Variants in MAST4 observed in about 807,000 individuals in gnomAD.
MAST4 encodes microtubule-associated serine/threonine-protein kinase 4.
In MAST4, 89 loss-of-function variants were observed where a neutral mutation model predicts 162.7. The ratio of observed to expected loss-of-function variants is 0.55; its 90% CI spans 0.46 to 0.65. MAST4 has a LOEUF of 0.65. Ranked by LOEUF, MAST4 falls within the 30% of genes least tolerant of loss-of-function variation. MAST4 has a pLI of 0.00. For synonymous variants in MAST4, 1,479 were observed against 1,361.1 expected (o/e 1.09, Z -1.91); for missense variants, 3,153 against 3,374.0 (o/e 0.93, Z 1.62).
Position 67,165,290 on chromosome 5 carries a change from G to T in MAST4, c.6111G>T (p.Ala2037=). Residue 2037 remains alanine, a synonymous_variant, in exon 29 of 29, where the codon GCG becomes GCT. Transcript: ENST00000403625. ...TQTQAMEKAW[A]PGGKTNHKDG... ...CCCAGGCCATGGAGAAAGCATGGGC[G>T]CCGGGTGGGAAAACGAACCACAAAG... The T allele has an allele frequency of 6.2e-7, 1 of 1,613,466 alleles. No homozygotes were observed. The highest frequency in any genetic ancestry group is 8.5e-7 in the Non-Finnish European group (1 of 1,179,880).
intron 1 of MAST4, among the ~76,000 whole-genome samples, chr5:66,615,596 T>C (rs1031014710): frequency 2.0e-5 from 3 of 151,982 alleles, no homozygotes; most frequent in African/African-American, 7.2e-5. Flanking sequence ...GGGAGGATCA[T>C]TTGAGGCCAG....
At chr5:66,852,605 G>A (rs953697008) in intron 3 of MAST4, among the ~76,000 whole-genome samples, 1 of 152,184 alleles carries the variant, frequency 6.6e-6, no homozygotes, top group African/African-American at 2.4e-5. Flanking sequence ...ATGATTTTGA[G>A]GGAGAAGTTG....
At chr5:66,963,622 A>T in intron 4 of MAST4, 1 of 758,440 alleles carries the variant, frequency 1.3e-6, no homozygotes, top group South Asian at 1.4e-5. Context: ...TTCTGGCCTA[A>T]AGGGAACACA....
At chr5:66,643,823 TG>T (rs1425555937) in intron 1 of MAST4, among the ~76,000 whole-genome samples, 1 of 151,886 alleles carries the variant, frequency 6.6e-6, no homozygotes, top group Admixed American at 6.6e-5. Context: ...AAATTGTTGC[TG>T]ATGTTTCTGA....
intron 6 of MAST4, among the ~76,000 whole-genome samples, chr5:67,093,044 C>G (rs1380480245): frequency 2.6e-5 from 4 of 152,178 alleles, no homozygotes; most frequent in African/African-American, 9.6e-5. Flanking sequence ...GTAACTATAA[C>G]AATAAATCTA....
intron 4 of MAST4, among the ~76,000 whole-genome samples, chr5:66,922,078 A>G (rs1764576165): frequency 6.6e-6 from 1 of 152,154 alleles, no homozygotes; most frequent in African/African-American, 2.4e-5. Flanking sequence ...TTCAGTTCCT[A>G]TGCGGGACTT....
At chr5:66,602,831 T>C (rs1742643222) in intron 1 of MAST4, among the ~76,000 whole-genome samples, 1 of 152,144 alleles carries the variant, frequency 6.6e-6, no homozygotes, top group Non-Finnish European at 1.5e-5. Context: ...GAGGTCAGAG[T>C]CTGTAGTGAC....
intron 1 of MAST4, among the ~76,000 whole-genome samples, chr5:66,623,714 A>G (rs931915939): frequency 1.3e-5 from 2 of 152,258 alleles, no homozygotes; most frequent in Non-Finnish European, 2.9e-5. Flanking sequence ...GAGCAAGGCA[A>G]GGATGCCATA....
rs1212843550 is a variant in MAST4 at position 67,167,750 on chromosome 5, T to C, written c.*699T>C. 1 of 152,212 alleles carries C rather than the reference T, an allele frequency of 6.6e-6. No individual in the cohort carries two copies. Among genetic ancestry groups the C allele is most frequent in the East Asian group, 1.9e-4 (1 of 5,204 alleles). The allele number at this position is 152,212 out of a possible 1,614,324, so 9.4% of individuals were successfully genotyped here. A position where few individuals can be genotyped will look rare whatever the true frequency, so the allele number is the denominator to read the frequency against. On this transcript the variant is annotated 3_prime_UTR_variant, in exon 29 of 29. Coordinates refer to ENST00000403625, the MANE Select transcript of MAST4 (RefSeq NM_001164664.2). The stretch of plus-strand genomic sequence containing the variant: ...TACTGCATTTGGAATCCTCCTCCAT[T>C]AGGAATGGCCAGGACAAGTGGAGCT...
At chr5:66,794,118 C>T (rs965537954) in intron 3 of MAST4, among the ~76,000 whole-genome samples, 5 of 152,116 alleles carry the variant, frequency 3.3e-5, no homozygotes, top group Admixed American at 2.6e-4. Context: ...AAATTTTTTG[C>T]TTACATTATG....
At chr5:67,028,668 A>G (rs929538018) in intron 4 of MAST4, among the ~76,000 whole-genome samples, 15 of 152,170 alleles carry the variant, frequency 9.9e-5, no homozygotes, top group Non-Finnish European at 1.8e-4. Flanking sequence ...CTGTTAGACA[A>G]TGGTACCAAT....
At chr5:66,954,301 A>G (rs890715019) in intron 4 of MAST4, among the ~76,000 whole-genome samples, 1 of 152,126 alleles carries the variant, frequency 6.6e-6, no homozygotes, top group Non-Finnish European at 1.5e-5. Flanking sequence ...AACATGTCCC[A>G]ATTCTCCATT....
At chr5:66,745,455 G>A (rs1561300555) in intron 1 of MAST4, among the ~76,000 whole-genome samples, 2 of 152,116 alleles carry the variant, frequency 1.3e-5, no homozygotes, top group Non-Finnish European at 1.5e-5. Flanking sequence ...AATAATTATA[G>A]CATGTGTTTA....
rs754158083 is a variant in MAST4, at chr5:66,803,939, C to CT, written c.642+15156dup. Among the ~76,000 whole-genome samples, 1,398 of 147,026 alleles carry CT rather than the reference C, an allele frequency of 9.5e-3. 4 individuals carry two copies. Among genetic ancestry groups the CT allele is most frequent in the South Asian group, 0.017 (79 of 4,626 alleles). ...TACTGAGTATGATAAATGCTATGGG[C>CT]TTTTTTTTTTTAAAAAGCTCTGTAT... On this transcript the variant is annotated intron_variant, in intron 3 of 28. Transcript: ENST00000403625.
chr5:67,010,703 C>A (rs1752567296), intron 4 of MAST4, among the ~76,000 whole-genome samples: 1 of 152,110 alleles, frequency 6.6e-6, no homozygotes, highest in African/African-American at 2.4e-5. Context: ...GGGAGGGGAC[C>A]AGGAGGGTGC....
chr5:66,894,507 A>G (rs1394011621), intron 3 of MAST4, among the ~76,000 whole-genome samples: 1 of 152,108 alleles, frequency 6.6e-6, no homozygotes, highest in African/African-American at 2.4e-5. Context: ...GTTTTTCCTC[A>G]TGTATCCCTA....
chr5:66,636,235 C>T (rs368735312), intron 1 of MAST4, among the ~76,000 whole-genome samples: 3 of 151,978 alleles, frequency 2.0e-5, no homozygotes, highest in Admixed American at 6.6e-5. Flanking sequence ...GGATTACAGG[C>T]GTGAGCCACC....
rs1330369259 is a variant in MAST4, at chr5:67,163,725, C to T, written c.4546C>T (p.Arg1516Trp). The stretch of plus-strand genomic sequence containing the variant: ...AGGCTGCCTGAAACGCCCAGTCTCC[C>T]GGAAGGTGGGCCGCCAGGAGTCTGT... ...EQGCLKRPVS[R>W]KVGRQESVDD... The change falls in exon 29 of 29, where the codon CGG becomes TGG. Residue 1516 changes from arginine to tryptophan, a missense_variant. By Grantham distance (101) the Arg-to-Trp change is moderately radical (BLOSUM62 -3). Coordinates refer to ENST00000403625, the MANE Select transcript of MAST4 (RefSeq NM_001164664.2). This position sits in a 1 kb window ranked among gnomAD's most constrained non-coding sequence, Gnocchi z 7.0. 3.7e-6 allele frequency: 6 copies of T among 1,608,396 alleles called. No homozygotes were observed. In the South Asian group the frequency reaches 4.4e-5, roughly 12 times the overall value.
intron 6 of MAST4, 77 bp from the exon 7 acceptor site, chr5:67,095,520 A>G: frequency 8.8e-7 from 1 of 1,132,898 alleles, no homozygotes; most frequent in Non-Finnish European, 1.3e-6. Flanking sequence ...TGTTTGACTA[A>G]AAATACTTAG....
Sources: allele counts gnomAD v4.1 joint callset (sites outside exome capture counted in the v4.1 genomes callset), GRCh38; gene constraint gnomAD v4.1.1; non-coding constraint Gnocchi (gnomAD v3.1); transcripts MANE v1.5; gene names NCBI Gene and HGNC (gene_info 2026-07-23, HGNC 2026-07-21).